The following ANO1 variants were observed in gnomAD, a reference collection of about 807,000 sequenced individuals.
ANO1 encodes the protein anoctamin-1.
Under a neutral mutation model 124.0 loss-of-function variants are expected in ANO1, and 59 were observed. The observed-to-expected ratio is 0.48, with a 90% CI of 0.39 to 0.59. ANO1 has a LOEUF of 0.59. ANO1 is among the 20% of genes least tolerant of loss of function. The probability of loss-of-function intolerance (pLI) is 0.00; values close to 1 mark genes in which losing one functional copy is unlikely to be tolerated. For synonymous variants in ANO1, 529 were observed against 532.0 expected (o/e 0.99, Z 0.08); for missense variants, 1,059 against 1,328.0 (o/e 0.80, Z 3.15).
chr11:70,133,958 C>T lies in ANO1; in HGVS notation c.1258+1879C>T, dbSNP rs184960251. Among the ~76,000 whole-genome samples the T allele has an allele frequency of 1.3e-4, 20 of 152,284 alleles. 1 individual carries two copies. Among genetic ancestry groups the T allele is most frequent in the Admixed American group, 6.5e-4 (10 of 15,306 alleles). The stretch of plus-strand genomic sequence containing the variant: ...TCTCATTCCTACCCTTCCGGAGACC[C>T]GGGACAGAGGCCGCCAGCTCTGAGC... On this transcript the variant is annotated intron_variant, in intron 11 of 25. Coordinates refer to ENST00000355303, the MANE Select transcript of ANO1 (RefSeq NM_018043.7).
At chr11:70,070,251 C>T (rs782135617) in intron 1 of ANO1, among the ~76,000 whole-genome samples, 9 of 152,092 alleles carry the variant, frequency 5.9e-5, no homozygotes, top group South Asian at 2.1e-4. Context: ...CACCTGGAGC[C>T]GCCATTCTAG....
intron 2 of ANO1, among the ~76,000 whole-genome samples, chr11:70,100,012 C>G (rs1030074675): frequency 8.5e-5 from 13 of 152,300 alleles, no homozygotes; most frequent in African/African-American, 3.1e-4. Flanking sequence ...CAGAGGGAGC[C>G]CAAACCCACA....
chr11:70,011,919 C>A (rs1856604357), intron 1 of ANO1, among the ~76,000 whole-genome samples: 1 of 152,212 alleles, frequency 6.6e-6, no homozygotes, highest in Admixed American at 6.5e-5. Flanking sequence ...TTCATTCCTC[C>A]ATCCATTCAT....
At chr11:70,079,367 C>G (rs1021709949) in intron 1 of ANO1, among the ~76,000 whole-genome samples, 11 of 152,128 alleles carry the variant, frequency 7.2e-5, no homozygotes, top group Non-Finnish European at 1.2e-4. Context: ...CCCCTGGGCG[C>G]CCAGGCCTGG....
At chr11:70,006,688 G>C (rs1431256340) in intron 1 of ANO1, among the ~76,000 whole-genome samples, 1 of 13,074 alleles carries the variant, frequency 7.6e-5, no homozygotes, top group Non-Finnish European at 1.6e-4. Flanking sequence ...TTTTTTTTTT[G>C]AGATGGAGTC....
At chr11:70,155,526 G>A (rs181271923) in intron 14 of ANO1, among the ~76,000 whole-genome samples, 25 of 152,294 alleles carry the variant, frequency 1.6e-4, no homozygotes, top group African/African-American at 4.3e-4. Flanking sequence ...CCTAATTGGC[G>A]GATGTGCTTG....
At chr11:70,150,252 C>T (rs1426827222) in intron 12 of ANO1, among the ~76,000 whole-genome samples, 26 of 152,172 alleles carry the variant, frequency 1.7e-4, no homozygotes, top group Admixed American at 1.4e-3. Flanking sequence ...TGCAGCTGGG[C>T]GTGGCTGACA....
the ANO1 span, among the ~76,000 whole-genome samples, chr11:69,974,896 A>T: frequency 6.6e-6 from 1 of 151,952 alleles, no homozygotes; most frequent in African/African-American, 2.4e-5. Flanking sequence ...CTAAAAAAAA[A>T]AAAAAAAAAA....
chr11:70,113,018 C>G (rs945831588), intron 7 of ANO1, among the ~76,000 whole-genome samples: 28 of 152,172 alleles, frequency 1.8e-4, no homozygotes, highest in Non-Finnish European at 3.8e-4. Context: ...CCTGTCAGGG[C>G]CTCCTCCTCA....
chr11:70,084,273 C>T (rs1057478170), intron 1 of ANO1, among the ~76,000 whole-genome samples: 5 of 152,298 alleles, frequency 3.3e-5, no homozygotes, highest in Admixed American at 1.3e-4. Context: ...CTTTTGCCCC[C>T]TCAGCCATGG....
chr11:70,065,719 C>T (rs34544557), intron 1 of ANO1, among the ~76,000 whole-genome samples: 60,435 of 151,800 alleles, frequency 0.4, 13,058 homozygotes, highest in East Asian at 0.67. Context: ...CCCAGCCTGG[C>T]TGACCTCAGT....
intron 12 of ANO1, 93 bp from the exon 13 acceptor site, chr11:70,152,357 A>AAATTT: frequency 1.1e-6 from 1 of 922,374 alleles, no homozygotes; most frequent in Non-Finnish European, 1.6e-6. Flanking sequence ...AAAAAAAAAA[A>AAATTT]GTTGTCCTTA....
chr11:70,152,958 C>T (rs2047664053), intron 13 of ANO1, 99 bp from the exon 14 acceptor site: 5 of 1,042,392 alleles, frequency 4.8e-6, no homozygotes, highest in African/African-American at 3.2e-5. Context: ...AAAGGGTGCC[C>T]GAGGCTAATA....
the ANO1 span, among the ~76,000 whole-genome samples, chr11:69,970,327 A>G: frequency 6.6e-6 from 1 of 152,158 alleles, no homozygotes; most frequent in Non-Finnish European, 1.5e-5. Flanking sequence ...CCTCAAGGGA[A>G]GGGTTTTCTC....
At chr11:70,112,003 T>C (rs1327344501) in intron 7 of ANO1, among the ~76,000 whole-genome samples, 5 of 152,206 alleles carry the variant, frequency 3.3e-5, no homozygotes, top group African/African-American at 1.2e-4. Context: ...TGGCAGCTGC[T>C]CCTGCCTCGA....
At chr11:69,973,166 C>T in the ANO1 span, among the ~76,000 whole-genome samples, 2 of 152,156 alleles carry the variant, frequency 1.3e-5, no homozygotes, top group Non-Finnish European at 2.9e-5. Flanking sequence ...ACCTCAGCCT[C>T]CCAAGGTGCT....
At chr11:70,066,838 ACT>A (rs1214840991) in intron 1 of ANO1, among the ~76,000 whole-genome samples, 3 of 151,740 alleles carry the variant, frequency 2.0e-5, no homozygotes, top group Non-Finnish European at 4.4e-5. Flanking sequence ...CAGGAGGGAC[ACT>A]CTGCCCCGGC....
intron 1 of ANO1, among the ~76,000 whole-genome samples, chr11:70,031,634 C>T (rs1857002501): frequency 6.6e-6 from 1 of 152,116 alleles, no homozygotes; most frequent in Admixed American, 6.5e-5. Context: ...GGAGGGACCT[C>T]GTGCCCAAGC....
At chr11:70,165,215 T>C in intron 19 of ANO1, 1 of 497,678 alleles carries the variant, frequency 2.0e-6, no homozygotes. Flanking sequence ...GCCTTCTCTT[T>C]TTCTGAGGAC....
Sources: allele counts gnomAD v4.1 joint callset (sites outside exome capture counted in the v4.1 genomes callset), GRCh38; gene constraint gnomAD v4.1.1; transcripts MANE v1.5; gene names NCBI Gene and HGNC (gene_info 2026-07-23, HGNC 2026-07-21).